Variants in CRY1 observed in about 807,000 individuals in gnomAD.
CRY1 encodes the protein cryptochrome-1.
A neutral mutation model predicts 76.0 loss-of-function variants in CRY1; 45 were observed. The observed-to-expected ratio is 0.59, with a 90% confidence interval of 0.47 to 0.76. CRY1 has a LOEUF of 0.76. Ranked by LOEUF, CRY1 falls within the 30% of genes least tolerant of loss-of-function variation. The probability of loss-of-function intolerance (pLI) is 0.00; values close to 1 mark genes in which losing one functional copy is unlikely to be tolerated. For missense variants in CRY1, 587 were observed against 716.4 expected (o/e 0.82, Z 2.06); for synonymous variants, 248 against 244.0 (o/e 1.02, Z -0.15).
intron 1 of CRY1, among the ~76,000 whole-genome samples, chr12:107,040,809 ATAAG>A (rs1256003352): frequency 2.6e-5 from 4 of 152,166 alleles, no homozygotes; most frequent in Admixed American, 1.3e-4. Flanking sequence ...TCAATTACTA[ATAAG>A]TGAGTTATGA....
At chr12:106,997,270 T>G (rs1195174234) in intron 10 of CRY1, 24 bp downstream of exon 10, 28 of 1,576,790 alleles carry the variant, frequency 1.8e-5, no homozygotes, top group Non-Finnish European at 2.4e-5. Context: ...TGTTACTAAG[T>G]GCAGAAATTT....
At chr12:107,027,402 G>A (rs1046792183) in intron 1 of CRY1, among the ~76,000 whole-genome samples, 2 of 152,092 alleles carry the variant, frequency 1.3e-5, no homozygotes, top group African/African-American at 2.4e-5. Context: ...ACACCCATTT[G>A]ATGGCTCCGT....
At position 106,999,685 on chromosome 12, in the gene CRY1, T is replaced by TC; in HGVS notation, c.1002dup (p.Thr335AspfsTer7). On this transcript the variant is annotated frameshift_variant, in exon 7 of 13. Coordinates refer to ENST00000008527, the MANE Select transcript of CRY1 (RefSeq NM_004075.5). LOFTEE classifies it high-confidence loss of function. ...ATGGCATCAATCCATGGAAAGCCTG[T>TC]CCGGCCTTCCGCCCATTTGGCTAAA... 1 of 1,614,270 alleles carries TC rather than the reference T, an allele frequency of 6.2e-7. No homozygotes were observed. Among genetic ancestry groups the TC allele is most frequent in the Non-Finnish European group, 8.5e-7 (1 of 1,180,050 alleles).
intron 1 of CRY1, among the ~76,000 whole-genome samples, chr12:107,028,270 T>C (rs1286507554): frequency 6.6e-6 from 1 of 152,158 alleles, no homozygotes; most frequent in Non-Finnish European, 1.5e-5. Context: ...TTTAATAAAA[T>C]TTACATATGC....
Position 107,044,613 on chromosome 12 carries a change from G to A in CRY1, c.159-22421C>T, listed in dbSNP as rs542712571. On this transcript the variant is annotated intron_variant, in intron 1 of 12. Coordinates refer to ENST00000008527, the MANE Select transcript of CRY1 (RefSeq NM_004075.5). Reference sequence around the variant, plus strand: ...ATCAATGCAGGGACCAATACAGACAGACTATTCAATGAAATCAGGAAAACA... The same window carrying A: ...ATCAATGCAGGGACCAATACAGACAAACTATTCAATGAAATCAGGAAAACA... Among the ~76,000 whole-genome samples the A allele has an allele frequency of 2.0e-5, 3 of 152,102 alleles. No individual in the cohort carries two copies. In the South Asian group the frequency reaches 6.2e-4, roughly 32 times the overall value.
chr12:107,083,298 T>C (rs943858373), intron 1 of CRY1, among the ~76,000 whole-genome samples: 1 of 152,204 alleles, frequency 6.6e-6, no homozygotes, highest in Non-Finnish European at 1.5e-5. Context: ...TCTGAAATTA[T>C]TCCAAACAAA....
intron 10 of CRY1, among the ~76,000 whole-genome samples, chr12:106,994,380 C>T (rs1952211020): frequency 6.6e-6 from 1 of 152,172 alleles, no homozygotes; most frequent in Admixed American, 6.5e-5. Context: ...TCAATAATCT[C>T]TCCCTTTTCT....
chr12:107,076,618 G>GAAA (rs58432343), intron 1 of CRY1, among the ~76,000 whole-genome samples: 1 of 99,398 alleles, frequency 1.0e-5, no homozygotes, highest in Non-Finnish European at 2.5e-5. Context: ...CTGCCTCAAA[G>GAAA]AAAAAAAAAA....
chr12:107,005,243 C>G lies in CRY1; in HGVS notation c.273G>C (p.Trp91Cys). Residue 91 changes from tryptophan (W) to cysteine (C), a missense_variant, in exon 3 of 13, where the codon TGG becomes TGC. Transcript: ENST00000008527. ...ADVFPRLFKE[W>C]NITKLSIEYD... ...ACTCAATTGAAAGTTTAGTAATGTTCCATTCCTAAAGTAAGAGAAAGGGGA... is the reference window on the plus strand; with the variant it reads ...ACTCAATTGAAAGTTTAGTAATGTTGCATTCCTAAAGTAAGAGAAAGGGGA... The G allele has an allele frequency of 6.2e-7, 1 of 1,610,116 alleles. No homozygotes were observed. Among genetic ancestry groups the G allele is most frequent in the Non-Finnish European group, 8.5e-7 (1 of 1,178,434 alleles).
intron 2 of CRY1, 103 bp from the exon 3 acceptor site, chr12:107,005,351 T>A: frequency 1.6e-6 from 2 of 1,238,848 alleles, no homozygotes; most frequent in Non-Finnish European, 2.2e-6. Flanking sequence ...CAAAGGATTA[T>A]ACATAAATCA....
At chr12:107,002,249 G>T (rs1566242565) in intron 3 of CRY1, among the ~76,000 whole-genome samples, 1 of 151,986 alleles carries the variant, frequency 6.6e-6, no homozygotes, top group Non-Finnish European at 1.5e-5. Context: ...AAGTAAGAGG[G>T]GAAATTAGTC....
chr12:107,079,595 A>G (rs141518551), intron 1 of CRY1, among the ~76,000 whole-genome samples: 1 of 152,048 alleles, frequency 6.6e-6, no homozygotes, highest in Non-Finnish European at 1.5e-5. Context: ...GCACCACATG[A>G]CTCAGCTACA....
At chr12:107,071,381 ATAT>A in intron 1 of CRY1, among the ~76,000 whole-genome samples, 1 of 152,362 alleles carries the variant, frequency 6.6e-6, no homozygotes, top group East Asian at 1.9e-4. Context: ...ATATAATGAC[ATAT>A]TAATATATTT....
intron 1 of CRY1, among the ~76,000 whole-genome samples, chr12:107,083,812 A>G (rs1254968306): frequency 6.6e-6 from 1 of 152,226 alleles, no homozygotes; most frequent in East Asian, 1.9e-4. Flanking sequence ...CACCACTCCT[A>G]TTCAACATAG....
intron 2 of CRY1, among the ~76,000 whole-genome samples, chr12:107,014,482 G>T (rs559637364): frequency 6.6e-6 from 1 of 152,012 alleles, no homozygotes; most frequent in Non-Finnish European, 1.5e-5. Context: ...GGGCAAGAAG[G>T]GTGGGTTTGG....
chr12:107,069,588 T>TATATATATA (rs1491250285), intron 1 of CRY1, among the ~76,000 whole-genome samples: 3 of 40,736 alleles, frequency 7.4e-5, no homozygotes, highest in South Asian at 1.1e-3. Flanking sequence ...ATATATAAAG[T>TATATATATA]ATATATATAT....
At chr12:107,018,330 C>CA (rs1952518787) in intron 2 of CRY1, among the ~76,000 whole-genome samples, 1 of 152,188 alleles carries the variant, frequency 6.6e-6, no homozygotes, top group Non-Finnish European at 1.5e-5. Context: ...CCTGTTATCC[C>CA]AGCACTTTGG....
chr12:107,040,576 C>T (rs1250753167), intron 1 of CRY1, among the ~76,000 whole-genome samples: 1 of 151,824 alleles, frequency 6.6e-6, no homozygotes, highest in Non-Finnish European at 1.5e-5. Flanking sequence ...GAGCCATGTG[C>T]CCAGCCAAAA....
At chr12:107,022,222 T>C (rs773065739) in intron 1 of CRY1, 30 bp from the exon 2 acceptor site, 3 of 1,294,660 alleles carry the variant, frequency 2.3e-6, no homozygotes, top group Admixed American at 4.5e-5. Flanking sequence ...ATTTAAATTA[T>C]TAAAAAATAC....
Sources: gnomAD v4.1 joint callset for allele counts (sites outside exome capture counted in the v4.1 genomes callset) on GRCh38, gnomAD v4.1.1 for gene constraint, MANE v1.5 for transcripts, NCBI Gene and HGNC (gene_info 2026-07-23, HGNC 2026-07-21) for gene names.